SLC12A2: variants seen among roughly 807,000 people sequenced by gnomAD.
SLC12A2 encodes the protein solute carrier family 12 member 2, also known as Na-K-2Cl cotransporter 1.
A neutral mutation model predicts 136.3 loss-of-function variants in SLC12A2; 67 were observed. That is an observed-to-expected ratio of 0.49 (90% CI 0.40 to 0.60). SLC12A2 has a LOEUF of 0.60. Ranked by LOEUF, SLC12A2 falls within the 20% of genes least tolerant of loss-of-function variation. SLC12A2 has a pLI of 0.00. For missense variants in SLC12A2, 1,322 were observed against 1,534.7 expected, an observed-to-expected ratio of 0.86 and a Z score of 2.32; for synonymous variants, 619 against 562.9, an observed-to-expected ratio of 1.10 and a Z score of -1.41.
chr5:128,084,469 A>G lies in SLC12A2; in HGVS notation c.515A>G (p.Gln172Arg), dbSNP rs1349699838. The G allele has an allele frequency of 6.2e-7, 1 of 1,612,796 alleles. No individual in the cohort carries two copies. Among genetic ancestry groups the G allele is most frequent in the African/African-American group, 1.3e-5 (1 of 74,800 alleles). ...GTCGACGGGCCCAACGTGAGCTTCC[A>G]GAACGGCGGGGACACGGTGCTGAGC... ...VGVDGPNVSF[Q>R]NGGDTVLSEG... is the part of the protein sequence containing the mutation. Residue 172 changes from glutamine (Q) to arginine (R), a missense_variant, in exon 1 of 27, where the codon CAG (glutamine) becomes CGG (arginine). Around this residue, in one of 8 missense-constraint regions of SLC12A2, gnomAD observed 358 missense variants for 299.7 expected, o/e 1.19. Transcript: ENST00000262461. The surrounding 1 kb of genome is among the most constrained non-coding windows in gnomAD (Gnocchi z 5.6).
intron 24 of SLC12A2, 57 bp downstream of exon 24, chr5:128,182,998 T>A: frequency 1.9e-6 from 2 of 1,039,376 alleles, no homozygotes; most frequent in Non-Finnish European, 2.9e-6. Context: ...AGACACAGAT[T>A]CAACTTAATT....
At chr5:128,130,802 C>T (rs924837136) in intron 4 of SLC12A2, among the ~76,000 whole-genome samples, 1 of 152,020 alleles carries the variant, frequency 6.6e-6, no homozygotes, top group African/African-American at 2.4e-5. Context: ...TTAATCTAAA[C>T]TTTAAAAGAT....
intron 9 of SLC12A2, among the ~76,000 whole-genome samples, chr5:128,140,836 A>G (rs1184515581): frequency 1.3e-5 from 2 of 151,994 alleles, no homozygotes; most frequent in Non-Finnish European, 2.9e-5. Flanking sequence ...CTTTATGGAA[A>G]CATGGTTTTG....
intron 23 of SLC12A2, among the ~76,000 whole-genome samples, chr5:128,181,820 C>T (rs1157501412): frequency 6.6e-6 from 1 of 151,786 alleles, no homozygotes; most frequent in Non-Finnish European, 1.5e-5. Flanking sequence ...CCTTTGCCTC[C>T]TCTCATCTCT....
At chr5:128,174,872 G>A (rs1763492966) in intron 20 of SLC12A2, among the ~76,000 whole-genome samples, 1 of 152,014 alleles carries the variant, frequency 6.6e-6, no homozygotes. Flanking sequence ...TCATCAAACA[G>A]AAACCATGCT....
intron 1 of SLC12A2, among the ~76,000 whole-genome samples, chr5:128,093,637 A>G: frequency 6.6e-6 from 1 of 152,076 alleles, no homozygotes. Context: ...TCCCCCATCC[A>G]ATCACTGAGT....
At chr5:128,119,886 C>T (rs1208367549) in intron 4 of SLC12A2, among the ~76,000 whole-genome samples, 3 of 152,108 alleles carry the variant, frequency 2.0e-5, no homozygotes, top group Admixed American at 2.0e-4. Context: ...AGAGCTTCTG[C>T]ACAACAAAAG....
intron 1 of SLC12A2, among the ~76,000 whole-genome samples, chr5:128,104,707 C>G (rs1301774770): frequency 6.6e-6 from 1 of 151,174 alleles, no homozygotes; most frequent in Non-Finnish European, 1.5e-5. Flanking sequence ...AATAGGTATG[C>G]TTTCTCAGAT....
At chr5:128,174,934 A>G (rs1422265288) in intron 20 of SLC12A2, among the ~76,000 whole-genome samples, 1 of 152,218 alleles carries the variant, frequency 6.6e-6, no homozygotes, top group South Asian at 2.1e-4. Context: ...GCTTTAAATA[A>G]AACATTTTAA....
intron 16 of SLC12A2, among the ~76,000 whole-genome samples, chr5:128,159,173 A>G (rs1323412999): frequency 6.6e-6 from 1 of 152,006 alleles, no homozygotes; most frequent in African/African-American, 2.4e-5. Context: ...GCTTTTTGAT[A>G]CCTATGGAGT....
In SLC12A2 at chr5:128,112,878, C is replaced by CGT. The variant is rs750685012; in HGVS notation, c.822_823dup (p.Tyr275CysfsTer10). 1 of 1,612,658 alleles carries CGT rather than the reference C, an allele frequency of 6.2e-7. No individual in the cohort carries two copies. Among genetic ancestry groups the CGT allele is most frequent in the Non-Finnish European group, 8.5e-7 (1 of 1,178,948 alleles). On this transcript the variant is annotated frameshift_variant, in exon 2 of 27. Transcript: ENST00000262461. LOFTEE classifies it high-confidence loss of function. ...ACTCCAACCAGAGATGCTGTGGTCA[C>CGT]GTATACTGCAGAAAGTAAAGGAGTC... is the stretch of plus-strand genomic sequence containing the variant.
chr5:128,178,345 G>T (rs920070635), intron 21 of SLC12A2: 1 of 292,230 alleles, frequency 3.4e-6, no homozygotes, highest in Non-Finnish European at 6.2e-6. Context: ...AGATAATTTG[G>T]ATTGGTTTAG....
chr5:128,150,140 G>T (rs1047871699), intron 13 of SLC12A2, 42 bp downstream of exon 13: 1 of 1,239,404 alleles, frequency 8.1e-7, no homozygotes, highest in Non-Finnish European at 1.2e-6. Flanking sequence ...TATCATTTTT[G>T]ATTGCAAAGA....
chr5:128,167,955 T>A, intron 18 of SLC12A2, 88 bp downstream of exon 18: 1 of 682,594 alleles, frequency 1.5e-6, no homozygotes, highest in Non-Finnish European at 2.4e-6. Flanking sequence ...CTGTTTCTCA[T>A]ATAGTCTCTT....
intron 19 of SLC12A2, 200 bp downstream of exon 19, chr5:128,171,946 G>C (rs947530302): frequency 2.4e-6 from 1 of 416,292 alleles, no homozygotes; most frequent in Non-Finnish European, 4.2e-6. Context: ...ATGATGGTTA[G>C]TGATTATTTG....
At position 128,085,090 on chromosome 5, in the gene SLC12A2, C is replaced by G. The variant is rs551191749; in HGVS notation, c.756+380C>G. Among the ~76,000 whole-genome samples the G allele has an allele frequency of 2.4e-4, 36 of 151,728 alleles. No homozygotes were observed. In the South Asian group the frequency reaches 6.9e-3, roughly 29 times the overall value. ...TCTCTCGAGAGAGGTTGGAGAGCAC[C>G]TACCATCTGTGTCGTTTTGAAAGAT... On this transcript the variant is annotated intron_variant, in intron 1 of 26. Transcript: ENST00000262461.
chr5:128,181,549 A>G (rs1032822750), intron 23 of SLC12A2, among the ~76,000 whole-genome samples: 3 of 152,222 alleles, frequency 2.0e-5, no homozygotes, highest in Admixed American at 6.5e-5. Context: ...TTATGGGTCA[A>G]AGGTAAGACA....
intron 15 of SLC12A2, among the ~76,000 whole-genome samples, chr5:128,153,071 T>C (rs1762755392): frequency 1.3e-5 from 2 of 152,208 alleles, no homozygotes; most frequent in African/African-American, 4.8e-5. Context: ...TAAAGTTACG[T>C]AACTGTGTAA....
chr5:128,140,653 G>A (rs1002500919), intron 9 of SLC12A2, among the ~76,000 whole-genome samples: 7 of 149,952 alleles, frequency 4.7e-5, no homozygotes, highest in Admixed American at 4.6e-4. Flanking sequence ...GGCCAGTAAA[G>A]GCAGCCTCTA....
Sources: gnomAD v4.1 joint callset for allele counts (sites outside exome capture counted in the v4.1 genomes callset) on GRCh38, gnomAD v4.1.1 for gene constraint, gnomAD v4.1.1 regional missense constraint, Gnocchi (gnomAD v3.1) non-coding constraint, MANE v1.5 for transcripts, NCBI Gene and HGNC (gene_info 2026-07-23, HGNC 2026-07-21) for gene names.